The following PRKCQ variants were observed in gnomAD, a reference collection of about 807,000 sequenced individuals.
PRKCQ encodes protein kinase C theta type.
Under a neutral mutation model 91.2 loss-of-function variants are expected in PRKCQ, and 41 were observed. That is an observed-to-expected ratio of 0.45 (90% CI 0.35 to 0.58). The LOEUF is 0.58. Among genes scored for constraint, PRKCQ ranks in the 20% least tolerant of loss-of-function variants. The pLI, the probability that PRKCQ is intolerant of heterozygous loss-of-function variation, is 0.00. For missense variants in PRKCQ, 673 were observed against 896.5 expected, an observed-to-expected ratio of 0.75 and a Z score of 3.18; for synonymous variants, 307 against 316.9, an observed-to-expected ratio of 0.97 and a Z score of 0.33.
intron 1 of PRKCQ, among the ~76,000 whole-genome samples, chr10:6,559,515 C>T (rs1840542911): frequency 6.6e-6 from 1 of 152,150 alleles, no homozygotes; most frequent in African/African-American, 2.4e-5. Flanking sequence ...TCCACCACCA[C>T]ACCCAGCTAA....
At chr10:6,556,721 A>T (rs537099829) in intron 1 of PRKCQ, among the ~76,000 whole-genome samples, 1 of 152,230 alleles carries the variant, frequency 6.6e-6, no homozygotes, top group African/African-American at 2.4e-5. Context: ...CATTTGATTT[A>T]TTGCTGAATT....
intron 1 of PRKCQ, among the ~76,000 whole-genome samples, chr10:6,551,387 CTTTT>C (rs1011256014): frequency 6.9e-6 from 1 of 145,424 alleles, no homozygotes; most frequent in Admixed American, 6.9e-5. Context: ...ACCACATTTT[CTTTT>C]TTTTTTCTTT....
At chr10:6,470,447 C>G (rs1835896535) in intron 12 of PRKCQ, among the ~76,000 whole-genome samples, 1 of 152,216 alleles carries the variant, frequency 6.6e-6, no homozygotes, top group African/African-American at 2.4e-5. Flanking sequence ...GTAATCACCT[C>G]AAATACAACG....
intron 8 of PRKCQ, among the ~76,000 whole-genome samples, chr10:6,489,907 G>A (rs1475291864): frequency 6.6e-6 from 1 of 152,054 alleles, no homozygotes; most frequent in African/African-American, 2.4e-5. Context: ...GGCGCTGCTG[G>A]GACCAGCTCT....
chr10:6,488,499 C>T (rs1837057350), intron 8 of PRKCQ, among the ~76,000 whole-genome samples: 1 of 151,894 alleles, frequency 6.6e-6, no homozygotes, highest in African/African-American at 2.4e-5. Context: ...GATTCTCCTG[C>T]CTCAGCCTCC....
In PRKCQ at chr10:6,561,369, C is replaced by CGA. The variant is rs1564394645; in HGVS notation, c.-10+18841_-10+18842insTC. On this transcript the variant is annotated intron_variant, in intron 1 of 17. Coordinates refer to ENST00000263125, the MANE Select transcript of PRKCQ (RefSeq NM_006257.5). Reference sequence around the variant, plus strand: ...GGACCACCAGAGTGAGACCCTGTCTCAAAAAAAAAAAAAAAAAAAAAAAAA... The same window carrying CGA: ...GGACCACCAGAGTGAGACCCTGTCTCGAAAAAAAAAAAAAAAAAAAAAAAAAA... 3.6e-5 allele frequency among the ~76,000 whole-genome samples: 3 copies of CGA among 82,638 alleles called. 1 individual carries two copies. The highest frequency in any genetic ancestry group is 2.3e-5 in the Non-Finnish European group (1 of 43,974). The allele number at this position is 82,638 out of a possible 152,430, so 54.2% of individuals were successfully genotyped here. A position where few individuals can be genotyped will look rare whatever the true frequency, so the allele number is the denominator to read the frequency against.
intron 1 of PRKCQ, among the ~76,000 whole-genome samples, chr10:6,541,191 A>G (rs1033712521): frequency 6.6e-6 from 1 of 152,202 alleles, no homozygotes; most frequent in African/African-American, 2.4e-5. Flanking sequence ...AGTCCTGTTC[A>G]TCATAATGTT....
At chr10:6,491,658 C>A in intron 8 of PRKCQ, 25 bp downstream of exon 8, 1 of 1,613,370 alleles carries the variant, frequency 6.2e-7, no homozygotes, top group South Asian at 1.1e-5. Flanking sequence ...CACGTCGGGC[C>A]ATGCTCATCC....
chr10:6,394,167 G>C, the PRKCQ span, among the ~76,000 whole-genome samples: 1 of 152,234 alleles, frequency 6.6e-6, no homozygotes, highest in Non-Finnish European at 1.5e-5. Flanking sequence ...AAGGTGTCAT[G>C]TCGTTCATTC....
rs1415903344 is a variant in PRKCQ, at chr10:6,486,128, C to T, written c.807G>A (p.Val269=). 2 of 1,614,060 alleles carry T rather than the reference C, an allele frequency of 1.2e-6. No individual in the cohort carries two copies. Among genetic ancestry groups the T allele is most frequent in the Admixed American group, 1.7e-5 (1 of 60,036 alleles). Reference sequence around the variant, plus strand: ...CCACCTTTGTCTGGCATCTATGATGCACATTCATGCCACATGCTGGAAGGA... The same window carrying T: ...CCACCTTTGTCTGGCATCTATGATGTACATTCATGCCACATGCTGGAAGGA... ...GLKCDACGMN[V]HHRCQTKVAN... is the part of the protein sequence containing the mutation. The change falls in exon 9 of 18, where the codon GTG becomes GTA. Residue 269 remains valine, a synonymous_variant. Coordinates refer to ENST00000263125, the MANE Select transcript of PRKCQ (RefSeq NM_006257.5).
chr10:6,531,567 C>G (rs1839395946), intron 1 of PRKCQ, among the ~76,000 whole-genome samples: 1 of 151,584 alleles, frequency 6.6e-6, no homozygotes, highest in Non-Finnish European at 1.5e-5. Context: ...CAACCCATTC[C>G]TCACCACTTC....
chr10:6,473,519 C>T (rs1181647279), intron 12 of PRKCQ, among the ~76,000 whole-genome samples: 1 of 152,206 alleles, frequency 6.6e-6, no homozygotes, highest in Non-Finnish European at 1.5e-5. Context: ...TGTAAGCGTT[C>T]TCAGGATCAG....
At chr10:6,548,855 A>G (rs1840075871) in intron 1 of PRKCQ, among the ~76,000 whole-genome samples, 1 of 152,148 alleles carries the variant, frequency 6.6e-6, no homozygotes, top group Non-Finnish European at 1.5e-5. Flanking sequence ...CACATGGTGC[A>G]CATGTACCCT....
At position 6,511,055 on chromosome 10, in the gene PRKCQ, G is replaced by A. The variant is rs201131570; in HGVS notation, c.258C>T (p.Thr86=). 6.8e-5 allele frequency: 109 copies of A among 1,613,966 alleles called. No homozygotes were observed. Among genetic ancestry groups the A allele is most frequent in the Non-Finnish European group, 7.9e-5 (93 of 1,180,024 alleles). ...TCTCAGCCAGCGAGTAGAGCTCCAC[G>A]GTGGTTTCAGAGATGAGGTCCACGT... ...GKNVDLISET[T]VELYSLAERC... The change falls in exon 3 of 18, where the codon ACC becomes ACT. Residue 86 remains threonine (T), a synonymous_variant. Transcript: ENST00000263125.
intron 1 of PRKCQ, among the ~76,000 whole-genome samples, chr10:6,577,572 C>T (rs1334156820): frequency 6.6e-6 from 1 of 151,982 alleles, no homozygotes; most frequent in African/African-American, 2.4e-5. Context: ...CACGGAATCA[C>T]GTCTATATTG....
chr10:6,515,341 G>C (rs1838708092), intron 1 of PRKCQ, 197 bp from the exon 2 acceptor site: 1 of 1,481,330 alleles, frequency 6.8e-7, no homozygotes, highest in Non-Finnish European at 8.9e-7. Flanking sequence ...ACACTGACTT[G>C]CTGAGGGGAG....
At chr10:6,434,439 G>A (rs943191296) in intron 16 of PRKCQ, among the ~76,000 whole-genome samples, 6 of 152,162 alleles carry the variant, frequency 3.9e-5, no homozygotes, top group Admixed American at 6.5e-5. Flanking sequence ...AGCTCTGAGC[G>A]TCAATATTCT....
intron 2 of PRKCQ, among the ~76,000 whole-genome samples, chr10:6,512,604 T>G (rs1838537632): frequency 6.6e-6 from 1 of 152,230 alleles, no homozygotes; most frequent in African/African-American, 2.4e-5. Flanking sequence ...GTGGCAGATT[T>G]AGCAATTCAG....
In PRKCQ at chr10:6,507,505, G is replaced by C; in HGVS notation, c.319-9C>G. 1 of 1,611,482 alleles carries C rather than the reference G, an allele frequency of 6.2e-7. No individual in the cohort carries two copies. The highest frequency in any genetic ancestry group is 1.1e-5 in the South Asian group (1 of 91,016). On this transcript the variant is annotated splice_polypyrimidine_tract_variant and intron_variant, in intron 3 of 17. Transcript: ENST00000263125. ...TGAGGTTTCAGCTCTAACTGGTTGG[G>C]AGAAGGAGAGAAACATCAGTCAGAA...
Sources: allele counts gnomAD v4.1 joint callset (sites outside exome capture counted in the v4.1 genomes callset), GRCh38; gene constraint gnomAD v4.1.1; transcripts MANE v1.5; gene names NCBI Gene and HGNC (gene_info 2026-07-23, HGNC 2026-07-21).